KCNIP4: variants seen among roughly 807,000 people sequenced by gnomAD.
The protein encoded by KCNIP4 is Kv channel-interacting protein 4.
A neutral mutation model predicts 34.0 loss-of-function variants in KCNIP4; 12 were observed. The observed-to-expected ratio is 0.35, with a 90% CI of 0.23 to 0.57. The LOEUF (loss-of-function observed/expected upper bound fraction) is 0.57. KCNIP4 is among the 20% of genes least tolerant of loss of function. The pLI is 0.83. For synonymous variants in KCNIP4, 124 were observed against 102.2 expected, an observed-to-expected ratio of 1.21 and a Z score of -1.29; for missense variants, 238 against 311.7, an observed-to-expected ratio of 0.76 and a Z score of 1.78.
chr4:20,916,651 A>C (rs989501579), intron 1 of KCNIP4, among the ~76,000 whole-genome samples: 1 of 152,066 alleles, frequency 6.6e-6, no homozygotes, highest in Non-Finnish European at 1.5e-5. Context: ...TCTGTTAGCT[A>C]AACAGAAATC....
intron 3 of KCNIP4, among the ~76,000 whole-genome samples, chr4:20,835,064 C>A (rs907902904): frequency 1.3e-5 from 2 of 152,106 alleles, no homozygotes; most frequent in Non-Finnish European, 2.9e-5. Flanking sequence ...GATCAAGATT[C>A]TGTTGCTTAC....
chr4:20,779,587 C>CCCACA (rs1553894976), intron 3 of KCNIP4, among the ~76,000 whole-genome samples: 9 of 127,622 alleles, frequency 7.1e-5, no homozygotes, highest in African/African-American at 2.4e-4. Flanking sequence ...CCCCCCCCCC[C>CCCACA]CACACAAAAA....
chr4:21,086,068 G>A (rs569677531), intron 1 of KCNIP4, among the ~76,000 whole-genome samples: 24 of 152,220 alleles, frequency 1.6e-4, no homozygotes, highest in African/African-American at 3.6e-4. Context: ...GCCAGGTTCC[G>A]TCATGTAGAT....
At chr4:21,473,011 T>C (rs529353956) in intron 1 of KCNIP4, among the ~76,000 whole-genome samples, 2 of 152,326 alleles carry the variant, frequency 1.3e-5, no homozygotes, top group East Asian at 3.9e-4. Context: ...GTGATTTAAC[T>C]TGGTCAACAA....
intron 3 of KCNIP4, among the ~76,000 whole-genome samples, chr4:20,780,740 G>A (rs369077401): frequency 7.2e-5 from 11 of 152,234 alleles, no homozygotes; most frequent in South Asian, 2.1e-4. Flanking sequence ...TTATTAGCAC[G>A]GAGAAAAGGT....
intron 4 of KCNIP4, among the ~76,000 whole-genome samples, chr4:20,753,930 A>G (rs576210754): frequency 6.6e-6 from 1 of 152,188 alleles, no homozygotes; most frequent in African/African-American, 2.4e-5. Flanking sequence ...TCATTCATTC[A>G]TTCATTCAAC....
At chr4:21,851,623 C>T (rs574936915) in intron 1 of KCNIP4, 1 of 152,248 alleles carries the variant, frequency 6.6e-6, no homozygotes, top group East Asian at 1.9e-4. Flanking sequence ...TAGCACATAG[C>T]TTTATCCCAA....
chr4:20,890,939 G>A (rs1281534314), intron 1 of KCNIP4, among the ~76,000 whole-genome samples: 1 of 152,148 alleles, frequency 6.6e-6, no homozygotes, highest in South Asian at 2.1e-4. Flanking sequence ...TCCACTGGCT[G>A]CTTTTTGTGT....
chr4:21,839,087 C>T (rs1296714363), intron 1 of KCNIP4, among the ~76,000 whole-genome samples: 1 of 152,048 alleles, frequency 6.6e-6, no homozygotes, highest in African/African-American at 2.4e-5. Context: ...TCAAGATAAA[C>T]ACAAAATGCT....
At chr4:21,888,000 C>G (rs1726882765) in intron 1 of KCNIP4, among the ~76,000 whole-genome samples, 1 of 151,124 alleles carries the variant, frequency 6.6e-6, no homozygotes, top group Non-Finnish European at 1.5e-5. Flanking sequence ...TTATGTAACA[C>G]TTACTATGTG....
At chr4:21,019,243 C>A (rs1395711796) in intron 1 of KCNIP4, among the ~76,000 whole-genome samples, 1 of 152,172 alleles carries the variant, frequency 6.6e-6, no homozygotes, top group Non-Finnish European at 1.5e-5. Flanking sequence ...GCAACCTCCA[C>A]CTCCCTGGTT....
At chr4:21,176,754 T>A (rs1316187431) in intron 1 of KCNIP4, among the ~76,000 whole-genome samples, 2 of 152,108 alleles carry the variant, frequency 1.3e-5, no homozygotes, top group Admixed American at 1.3e-4. Context: ...CTCCTGACCT[T>A]GGGTGACCCA....
intron 1 of KCNIP4, among the ~76,000 whole-genome samples, chr4:21,184,531 G>A (rs1158015741): frequency 6.6e-6 from 1 of 152,102 alleles, no homozygotes; most frequent in East Asian, 1.9e-4. Flanking sequence ...TAATGAAGAC[G>A]AGAGATGGGA....
intron 1 of KCNIP4, among the ~76,000 whole-genome samples, chr4:21,094,047 A>G (rs1019274076): frequency 7.9e-5 from 12 of 151,934 alleles, no homozygotes; most frequent in Non-Finnish European, 1.0e-4. Context: ...ACGCCACTGT[A>G]CTCCAGCCTG....
In KCNIP4 at chr4:20,997,627, C is replaced by T. The variant is rs1737677865; in HGVS notation, c.62-114918G>A. Among the ~76,000 whole-genome samples the T allele has an allele frequency of 2.0e-5, 3 of 152,192 alleles. No homozygotes were observed. In the South Asian group the frequency reaches 6.2e-4, roughly 31 times the overall value. Reference sequence around the variant, plus strand: ...GCAGCAGGAACTTGCTGACCTCTACCTGAGAGGGCTGCCCTTAGCATGCTT... The same window carrying T: ...GCAGCAGGAACTTGCTGACCTCTACTTGAGAGGGCTGCCCTTAGCATGCTT... On this transcript the variant is annotated intron_variant, in intron 1 of 8. Coordinates refer to ENST00000382152, the MANE Select transcript of KCNIP4 (RefSeq NM_025221.6).
At position 21,757,170 on chromosome 4, in the gene KCNIP4, G is replaced by GAAA. The variant is rs1560691312; in HGVS notation, c.61+191400_61+191401insTTT. On this transcript the variant is annotated intron_variant, in intron 1 of 8. Transcript: ENST00000382152. Reference sequence around the variant, plus strand: ...AAGAAAGAAAGAAAGAAAGAAAGAAGGAAGGAAGGAAGGAAGGAAGGAAGG... The same window carrying GAAA: ...AAGAAAGAAAGAAAGAAAGAAAGAAGAAAGAAGGAAGGAAGGAAGGAAGGAAGG... Among the ~76,000 whole-genome samples the GAAA allele has an allele frequency of 2.0e-3, 68 of 33,618 alleles. 1 individual carries two copies. The highest frequency in any genetic ancestry group is 6.8e-3 in the East Asian group (6 of 876). 22.1% of individuals were successfully genotyped at this position (33,618 alleles called of 152,430 possible).
At chr4:21,884,704 A>T (rs1726659565) in intron 1 of KCNIP4, among the ~76,000 whole-genome samples, 1 of 152,116 alleles carries the variant, frequency 6.6e-6, no homozygotes, top group Non-Finnish European at 1.5e-5. Context: ...TCTTCAGGAC[A>T]TGTTGCTAGG....
intron 1 of KCNIP4, among the ~76,000 whole-genome samples, chr4:20,998,727 C>G (rs565211965): frequency 1.3e-5 from 2 of 152,208 alleles, no homozygotes; most frequent in Non-Finnish European, 2.9e-5. Context: ...AGGACAGGGT[C>G]ATAGATCTGA....
chr4:21,599,668 C>A (rs1377132132), intron 1 of KCNIP4, among the ~76,000 whole-genome samples: 3 of 152,004 alleles, frequency 2.0e-5, no homozygotes, highest in Non-Finnish European at 4.4e-5. Flanking sequence ...TAGGGTTTGG[C>A]TTTTACTAGT....
Sources: gnomAD v4.1 joint callset for allele counts (sites outside exome capture counted in the v4.1 genomes callset) on GRCh38, gnomAD v4.1.1 for gene constraint, MANE v1.5 for transcripts, NCBI Gene and HGNC (gene_info 2026-07-23, HGNC 2026-07-21) for gene names.